Variants in HEMK2 observed in about 807,000 individuals in gnomAD.
HEMK2 encodes methyltransferase HEMK2.
chr21:28,880,205 T>C, the HEMK2 span, among the ~76,000 whole-genome samples: 668 of 152,346 alleles, frequency 4.4e-3, 2 homozygotes, highest in Admixed American at 6.9e-3. Flanking sequence ...CATATATTTA[T>C]ATTCTGGGTT....
chr21:28,856,502 G>A, the HEMK2 span, among the ~76,000 whole-genome samples: 2 of 152,144 alleles, frequency 1.3e-5, no homozygotes, highest in East Asian at 3.8e-4. Context: ...GGTCCAAGAT[G>A]GCCAATTAGA....
At chr21:28,879,152 A>G in the HEMK2 span, among the ~76,000 whole-genome samples, 1 of 139,288 alleles carries the variant, frequency 7.2e-6, no homozygotes, top group Non-Finnish European at 1.5e-5. Context: ...TGGTGTAATC[A>G]TGGCTCACTG....
the HEMK2 span, among the ~76,000 whole-genome samples, chr21:28,682,813 A>T: frequency 6.6e-6 from 1 of 152,120 alleles, no homozygotes; most frequent in South Asian, 2.1e-4. Flanking sequence ...CAAAAAACCA[A>T]ACACCGCATG....
chr21:28,652,521 C>A, the HEMK2 span, among the ~76,000 whole-genome samples: 4 of 151,784 alleles, frequency 2.6e-5, no homozygotes, highest in African/African-American at 9.7e-5. Context: ...CATGAAGTCC[C>A]AGCTGTCACA....
chr21:28,602,534 T>A, the HEMK2 span, among the ~76,000 whole-genome samples: 1 of 152,216 alleles, frequency 6.6e-6, no homozygotes, highest in Non-Finnish European at 1.5e-5. Context: ...ACATCTCTGA[T>A]GCTCCCATGC....
the HEMK2 span, among the ~76,000 whole-genome samples, chr21:28,676,489 C>A: frequency 6.6e-6 from 1 of 151,494 alleles, no homozygotes; most frequent in African/African-American, 2.4e-5. Context: ...AGACACAATC[C>A]CAAATATCAT....
the HEMK2 span, among the ~76,000 whole-genome samples, chr21:28,585,674 G>A: frequency 2.4e-4 from 36 of 152,254 alleles, no homozygotes; most frequent in African/African-American, 8.2e-4. Context: ...GAAAAAGAGT[G>A]TATGGACAAT....
At chr21:28,627,478 C>T in the HEMK2 span, among the ~76,000 whole-genome samples, 2 of 152,126 alleles carry the variant, frequency 1.3e-5, no homozygotes, top group Non-Finnish European at 2.9e-5. Flanking sequence ...AGCCTCCCCA[C>T]GTTTCAATAT....
chr21:28,821,817 A>C, the HEMK2 span, among the ~76,000 whole-genome samples: 1 of 152,346 alleles, frequency 6.6e-6, no homozygotes, highest in Admixed American at 6.5e-5. Flanking sequence ...ATATATTCAA[A>C]TTAAAGTATA....
the HEMK2 span, among the ~76,000 whole-genome samples, chr21:28,784,951 C>T: frequency 2.6e-5 from 4 of 152,166 alleles, no homozygotes; most frequent in East Asian, 1.9e-4. Context: ...TAACACTCAC[C>T]GCGAAGATCT....
the HEMK2 span, among the ~76,000 whole-genome samples, chr21:28,791,917 T>C: frequency 6.6e-6 from 1 of 151,924 alleles, no homozygotes; most frequent in Non-Finnish European, 1.5e-5. Context: ...ATAAAGACCT[T>C]GCTGATAAAC....
At chr21:28,626,680 C>T in the HEMK2 span, 2 of 152,000 alleles carry the variant, frequency 1.3e-5, no homozygotes, top group Non-Finnish European at 2.9e-5. Flanking sequence ...CCCATCTCTA[C>T]ATAAACAATA....
At chr21:28,864,977 C>T in the HEMK2 span, among the ~76,000 whole-genome samples, 1 of 147,780 alleles carries the variant, frequency 6.8e-6, no homozygotes, top group Non-Finnish European at 1.5e-5. Context: ...AGTTACCAAG[C>T]GTCGTCCCTT....
chr21:28,831,692 AAG>A, the HEMK2 span, among the ~76,000 whole-genome samples: 548 of 86,056 alleles, frequency 6.4e-3, 31 homozygotes, highest in Non-Finnish European at 6.7e-3. Flanking sequence ...AGAAGGAAGG[AAG>A]GAAGGAAGGA....
chr21:28,772,229 C>T, the HEMK2 span, among the ~76,000 whole-genome samples: 2 of 152,112 alleles, frequency 1.3e-5, no homozygotes, highest in African/African-American at 4.8e-5. Flanking sequence ...TGGGAAAGTC[C>T]TAAAAGTCAA....
chr21:28,879,892 T>G, the HEMK2 span: 1 of 1,599,214 alleles, frequency 6.3e-7, no homozygotes, highest in Non-Finnish European at 8.5e-7. Flanking sequence ...AGTCACTACA[T>G]AGGGGGGATT....
At chr21:28,637,110 CTT>C in the HEMK2 span, among the ~76,000 whole-genome samples, 4 of 152,174 alleles carry the variant, frequency 2.6e-5, no homozygotes, top group South Asian at 2.1e-4. Context: ...CATTTCCTCT[CTT>C]TGTTTTCAGA....
the HEMK2 span, among the ~76,000 whole-genome samples, chr21:28,821,839 T>A: frequency 6.6e-6 from 1 of 152,228 alleles, no homozygotes; most frequent in South Asian, 2.1e-4. Context: ...TTTAGAAGGT[T>A]TTTTTACACA....
At chr21:28,776,931 G>A in the HEMK2 span, among the ~76,000 whole-genome samples, 5 of 152,258 alleles carry the variant, frequency 3.3e-5, no homozygotes, top group East Asian at 9.7e-4. Flanking sequence ...CCAGGCCACT[G>A]ACTCAAAAGT....
Sources: allele counts gnomAD v4.1 joint callset (sites outside exome capture counted in the v4.1 genomes callset), GRCh38; gene constraint gnomAD v4.1.1; transcripts MANE v1.5; gene names NCBI Gene and HGNC (gene_info 2026-07-23, HGNC 2026-07-21).